Variants in MIA2 observed in about 807,000 individuals in gnomAD.
MIA2 encodes the protein melanoma inhibitory activity protein 2.
MIA2 carries 127 observed loss-of-function variants against 167.8 expected under a neutral mutation model. The ratio of observed to expected loss-of-function variants is 0.76; its 90% CI spans 0.66 to 0.88. The LOEUF is 0.88. Among genes scored for constraint, MIA2 ranks in the 40% least tolerant of loss-of-function variants. MIA2 has a pLI of 0.00. For missense variants in MIA2, 1,690 were observed against 1,624.7 expected (o/e 1.04, Z -0.69); for synonymous variants, 552 against 541.9 (o/e 1.02, Z -0.26).
intron 24 of MIA2, among the ~76,000 whole-genome samples, chr14:39,322,257 T>TG: frequency 6.6e-6 from 1 of 152,002 alleles, no homozygotes; most frequent in Non-Finnish European, 1.5e-5. Context: ...GTTAACACAC[T>TG]GGGGGCTGGG....
intron 6 of MIA2, among the ~76,000 whole-genome samples, chr14:39,261,957 GGTA>G (rs2055140431): frequency 6.6e-6 from 1 of 152,040 alleles, no homozygotes; most frequent in Non-Finnish European, 1.5e-5. Flanking sequence ...TCACTCTGAT[GGTA>G]GTTTCTTTTG....
intron 13 of MIA2, among the ~76,000 whole-genome samples, chr14:39,298,448 T>TA (rs1358735887): frequency 1.4e-4 from 6 of 42,440 alleles, no homozygotes; most frequent in South Asian, 8.8e-4. Flanking sequence ...TATATAAAGA[T>TA]TAGTTTTTCA....
chr14:39,267,095 G>C (rs1359495475), intron 6 of MIA2: 5 of 1,104,938 alleles, frequency 4.5e-6, no homozygotes, highest in Non-Finnish European at 5.6e-6. Context: ...CGAAGCTTGC[G>C]CGAAGAAGGG....
intron 4 of MIA2, among the ~76,000 whole-genome samples, chr14:39,250,782 G>C (rs2054534087): frequency 6.7e-6 from 1 of 149,440 alleles, no homozygotes. Flanking sequence ...TTCTAAAATT[G>C]GTAAATAGTT....
chr14:39,274,628 G>A (rs1427360406), intron 6 of MIA2, among the ~76,000 whole-genome samples: 6 of 149,700 alleles, frequency 4.0e-5, no homozygotes, highest in African/African-American at 9.8e-5. Flanking sequence ...GTTTCACCAC[G>A]TTGGCCAGAC....
At chr14:39,326,818 C>G in intron 24 of MIA2, 46 bp from the exon 25 acceptor site, 1 of 1,525,316 alleles carries the variant, frequency 6.6e-7, no homozygotes, top group Non-Finnish European at 8.7e-7. Context: ...GTATATAAGA[C>G]TTTTTAAGAT....
intron 9 of MIA2, among the ~76,000 whole-genome samples, chr14:39,286,869 GT>G (rs2059887303): frequency 4.3e-5 from 1 of 23,122 alleles, no homozygotes; most frequent in African/African-American, 8.9e-5. Flanking sequence ...ATTTTTCTGT[GT>G]GTGTGTGTGT....
chr14:39,346,972 C>T (rs1393997936), intron 26 of MIA2: 4 of 257,942 alleles, frequency 1.6e-5, no homozygotes, highest in Non-Finnish European at 3.1e-5. Context: ...CTCTGTTGCC[C>T]AGACTGGAGT....
intron 4 of MIA2, 31 bp from the exon 5 acceptor site, chr14:39,252,717 G>A: frequency 6.5e-7 from 1 of 1,548,542 alleles, no homozygotes; most frequent in Non-Finnish European, 8.8e-7. Flanking sequence ...AAGTATTTTG[G>A]AAAAACACAT....
chr14:39,338,042 T>C (rs1011621231), intron 25 of MIA2, among the ~76,000 whole-genome samples: 2 of 152,122 alleles, frequency 1.3e-5, no homozygotes, highest in African/African-American at 4.8e-5. Context: ...ATTCTTGAAA[T>C]GACGGTATAG....
At chr14:39,326,754 C>T in intron 24 of MIA2, 110 bp from the exon 25 acceptor site, 1 of 954,630 alleles carries the variant, frequency 1.0e-6, no homozygotes, top group Non-Finnish European at 1.5e-6. Context: ...TGTTATTTTT[C>T]AGACTTTGTA....
chr14:39,277,688 G>GTA lies in MIA2; in HGVS notation c.2019+624_2019+625insAT, dbSNP rs1361448833. On this transcript the variant is annotated intron_variant, in intron 7 of 28. Transcript: ENST00000640607. Reference sequence around the variant, plus strand: ...TAAGATCTTTTATATATATATATATGTGTGTATATATATATATATATATAT... The same window carrying GTA: ...TAAGATCTTTTATATATATATATATGTATGTGTATATATATATATATATATAT... Among the ~76,000 whole-genome samples the GTA allele has an allele frequency of 6.6e-3, 53 of 8,080 alleles. 3 individuals carry two copies. Among genetic ancestry groups the GTA allele is most frequent in the African/African-American group, 0.012 (51 of 4,414 alleles). The allele number at this position is 8,080 out of a possible 152,430, so 5.3% of individuals were successfully genotyped here.
chr14:39,266,948 T>A (rs2055818063), intron 6 of MIA2: 13 of 654,038 alleles, frequency 2.0e-5, no homozygotes, highest in Non-Finnish European at 2.5e-5. Context: ...TCTTTGGGGT[T>A]GTGCGGCTCA....
At chr14:39,300,074 A>G in intron 14 of MIA2, 88 bp downstream of exon 14, 1 of 1,483,734 alleles carries the variant, frequency 6.7e-7, no homozygotes. Flanking sequence ...AGCAACTTTT[A>G]TTTTCACAAC....
At chr14:39,234,891 G>A (rs1342296078) in intron 1 of MIA2, among the ~76,000 whole-genome samples, 1 of 151,832 alleles carries the variant, frequency 6.6e-6, no homozygotes, top group East Asian at 1.9e-4. Context: ...TCTGTTATTA[G>A]TTTTATGGTG....
chr14:39,285,632 C>T (rs1319116546), intron 9 of MIA2, among the ~76,000 whole-genome samples: 17 of 150,000 alleles, frequency 1.1e-4, no homozygotes, highest in Admixed American at 4.6e-4. Context: ...CCACCTCCCT[C>T]CCGGATGGGG....
In MIA2 at chr14:39,294,960, A is replaced by C; in HGVS notation, c.2427A>C (p.Glu809Asp). ...KMTFKIFQMNEERLKIAIKDA... is the reference protein window; with the variant it reads ...KMTFKIFQMNDERLKIAIKDA... ...CCTTCAAGATATTTCAAATGAATGA[A>C]GAACGACTGAAGATAGCAATAAAAG... The change falls in exon 13 of 29, where the codon GAA becomes GAC. Residue 809 changes from glutamate (E) to aspartate (D), a missense_variant. Glu to Asp is a conservative substitution (Grantham distance 45). Coordinates refer to ENST00000640607, the MANE Select transcript of MIA2 (RefSeq NM_001329214.4). 6.2e-7 allele frequency: 1 copy of C among 1,613,402 alleles called. No individual in the cohort carries two copies. The highest frequency in any genetic ancestry group is 8.5e-7 in the Non-Finnish European group (1 of 1,179,746).
intron 18 of MIA2, among the ~76,000 whole-genome samples, chr14:39,309,695 T>A (rs6571917): frequency 6.6e-6 from 1 of 152,104 alleles, no homozygotes; most frequent in Non-Finnish European, 1.5e-5. Flanking sequence ...ATCTTCCTTA[T>A]GTTAAATACA....
intron 6 of MIA2, chr14:39,267,117 C>T (rs1484979323): frequency 8.8e-7 from 1 of 1,134,350 alleles, no homozygotes; most frequent in South Asian, 2.5e-5. Flanking sequence ...AAGTTTGCGG[C>T]TGTCCGCGCC....
Sources: gnomAD v4.1 joint callset for allele counts (sites outside exome capture counted in the v4.1 genomes callset) on GRCh38, gnomAD v4.1.1 for gene constraint, MANE v1.5 for transcripts, NCBI Gene and HGNC (gene_info 2026-07-23, HGNC 2026-07-21) for gene names.